Variants in PTPRO observed in about 807,000 individuals in gnomAD.
The protein encoded by PTPRO is protein tyrosine phosphatase receptor type O.
A neutral mutation model predicts 145.2 loss-of-function variants in PTPRO; 62 were observed. The ratio of observed to expected loss-of-function variants is 0.43; its 90% CI spans 0.35 to 0.53. The LOEUF (loss-of-function observed/expected upper bound fraction) is 0.53. Ranked by LOEUF, PTPRO falls within the 20% of genes least tolerant of loss-of-function variation. The pLI is 0.01. For synonymous variants in PTPRO, 565 were observed against 514.7 expected (o/e 1.10, Z -1.32); for missense variants, 1,345 against 1,482.7 (o/e 0.91, Z 1.53).
intron 10 of PTPRO, among the ~76,000 whole-genome samples, chr12:15,521,870 A>C (rs1565682234): frequency 6.6e-6 from 1 of 152,222 alleles, no homozygotes; most frequent in Non-Finnish European, 1.5e-5. Flanking sequence ...GATTGGGCAT[A>C]GTTTATAACA....
chr12:15,594,875 G>A, intron 25 of PTPRO, 62 bp from the exon 26 acceptor site: 1 of 1,157,496 alleles, frequency 8.6e-7, no homozygotes, highest in Non-Finnish European at 1.3e-6. Flanking sequence ...AATTGTCATA[G>A]TATAAAATAT....
intron 1 of PTPRO, among the ~76,000 whole-genome samples, chr12:15,359,104 A>T (rs1407283870): frequency 6.6e-6 from 1 of 152,226 alleles, no homozygotes; most frequent in African/African-American, 2.4e-5. Flanking sequence ...AGCAAGTTTG[A>T]TATAAGTGAC....
rs538438672 is a variant in PTPRO, at chr12:15,473,033, A to G, written c.76-10941A>G. 7.2e-5 allele frequency among the ~76,000 whole-genome samples: 11 copies of G among 152,300 alleles called. No homozygotes were observed. In the South Asian group the frequency reaches 2.1e-3, roughly 29 times the overall value. ...GCCATGATTCCCCTAGACTGCTTCAAGGTGCCTGCTCAGACCCAGTGACAG... is the reference window on the plus strand; with the variant it reads ...GCCATGATTCCCCTAGACTGCTTCAGGGTGCCTGCTCAGACCCAGTGACAG... On this transcript the variant is annotated intron_variant, in intron 1 of 26. Coordinates refer to ENST00000281171, the MANE Select transcript of PTPRO (RefSeq NM_030667.3).
intron 7 of PTPRO, among the ~76,000 whole-genome samples, chr12:15,511,838 A>G (rs1268962585): frequency 6.6e-6 from 1 of 152,212 alleles, no homozygotes; most frequent in African/African-American, 2.4e-5. Flanking sequence ...TGGTGGGATT[A>G]CAGGCGTGAG....
intron 1 of PTPRO, among the ~76,000 whole-genome samples, chr12:15,421,537 G>T (rs987770692): frequency 6.6e-6 from 1 of 152,156 alleles, no homozygotes; most frequent in Non-Finnish European, 1.5e-5. Flanking sequence ...ATCCTAGAGA[G>T]GTGTCTCAGA....
chr12:15,471,542 T>C (rs1028888993), intron 1 of PTPRO, among the ~76,000 whole-genome samples: 1 of 152,222 alleles, frequency 6.6e-6, no homozygotes, highest in African/African-American at 2.4e-5. Flanking sequence ...TGCCATATGA[T>C]CTTCAGGAAA....
At chr12:15,579,886 C>A (rs1944271932) in intron 20 of PTPRO, among the ~76,000 whole-genome samples, 153 bp from the exon 21 acceptor site, 1 of 152,046 alleles carries the variant, frequency 6.6e-6, no homozygotes, top group African/African-American at 2.4e-5. Context: ...AAACAACAAA[C>A]CAAAGTTGAA....
At chr12:15,541,262 T>G (rs1029475948) in intron 12 of PTPRO, among the ~76,000 whole-genome samples, 2 of 152,198 alleles carry the variant, frequency 1.3e-5, no homozygotes, top group African/African-American at 4.8e-5. Flanking sequence ...TTATATAAAG[T>G]GTTTGTGTAT....
intron 1 of PTPRO, among the ~76,000 whole-genome samples, chr12:15,480,004 C>A (rs1941744531): frequency 6.6e-6 from 1 of 152,164 alleles, no homozygotes; most frequent in African/African-American, 2.4e-5. Context: ...GTGTGGGCTG[C>A]ATTCTTTAGG....
rs1555168044 is a variant in PTPRO, at chr12:15,482,167, G to GTGTA, written c.76-1806_76-1805insGTAT. Among the ~76,000 whole-genome samples, 87 of 141,798 alleles carry GTGTA rather than the reference G, an allele frequency of 6.1e-4. No individual in the cohort carries two copies. In the South Asian group the frequency reaches 9.5e-3, roughly 15 times the overall value. The allele number at this position is 141,798 out of a possible 152,430, so 93.0% of individuals were successfully genotyped here. A position where few individuals can be genotyped will look rare whatever the true frequency, so the allele number is the denominator to read the frequency against. The stretch of plus-strand genomic sequence containing the variant: ...ATGGTGTGTGTGTGTGTGTGTGTGT[G>GTGTA]TATATATATATATGTGTGTGTGTGG... On this transcript the variant is annotated intron_variant, in intron 1 of 26. Coordinates refer to ENST00000281171, the MANE Select transcript of PTPRO (RefSeq NM_030667.3).
chr12:15,543,406 C>A (rs867959712), intron 12 of PTPRO, among the ~76,000 whole-genome samples: 3 of 152,180 alleles, frequency 2.0e-5, no homozygotes, highest in Non-Finnish European at 2.9e-5. Context: ...ATTCCTTGGA[C>A]CACTGGGAGC....
chr12:15,334,684 A>G (rs552129655), intron 1 of PTPRO, among the ~76,000 whole-genome samples: 2 of 152,268 alleles, frequency 1.3e-5, no homozygotes, highest in East Asian at 1.9e-4. Context: ...GCAAATCAAT[A>G]TATCATCCAA....
At chr12:15,542,794 TTC>T (rs1341888214) in intron 12 of PTPRO, among the ~76,000 whole-genome samples, 1 of 152,242 alleles carries the variant, frequency 6.6e-6, no homozygotes, top group Non-Finnish European at 1.5e-5. Flanking sequence ...GTCTTTGACA[TTC>T]TGTCTGTATT....
chr12:15,534,088 C>T (rs1172305388), intron 12 of PTPRO, among the ~76,000 whole-genome samples: 1 of 152,022 alleles, frequency 6.6e-6, no homozygotes, highest in Non-Finnish European at 1.5e-5. Context: ...GGTGCTTTTC[C>T]CAGGATGTTG....
intron 6 of PTPRO, among the ~76,000 whole-genome samples, chr12:15,506,370 AG>A (rs1165788857): frequency 1.3e-5 from 2 of 152,224 alleles, no homozygotes; most frequent in Non-Finnish European, 2.9e-5. Context: ...CTATGACTTC[AG>A]GCAGCTTGTT....
At chr12:15,361,699 T>C (rs927965860) in intron 1 of PTPRO, among the ~76,000 whole-genome samples, 10 of 152,130 alleles carry the variant, frequency 6.6e-5, no homozygotes, top group African/African-American at 2.4e-4. Context: ...AATTTTAAAA[T>C]TGAGTTAGTT....
intron 1 of PTPRO, among the ~76,000 whole-genome samples, chr12:15,412,914 C>T (rs1465266944): frequency 6.6e-6 from 1 of 152,174 alleles, no homozygotes; most frequent in Non-Finnish European, 1.5e-5. Flanking sequence ...CTGCCTCAGC[C>T]TCCCAAGTAG....
Position 15,585,869 on chromosome 12 carries a change from G to T in PTPRO, c.3256-1028G>T, listed in dbSNP as rs558083372. 5.9e-5 allele frequency among the ~76,000 whole-genome samples: 9 copies of T among 152,278 alleles called. No individual in the cohort carries two copies. The South Asian group carries it at 1.2e-3, about 21-fold the overall frequency. ...GGACTAAAAAGAGTTGATCTGGAAA[G>T]ATATACATTCTAGTTAATATGTACT... On this transcript the variant is annotated intron_variant, in intron 23 of 26. Coordinates refer to ENST00000281171, the MANE Select transcript of PTPRO (RefSeq NM_030667.3).
chr12:15,403,700 A>G (rs747218112), intron 1 of PTPRO, among the ~76,000 whole-genome samples: 6 of 152,142 alleles, frequency 3.9e-5, no homozygotes, highest in Non-Finnish European at 7.4e-5. Context: ...CTGCCCTACA[A>G]TCACTTCTTA....
Sources: allele counts gnomAD v4.1 joint callset (sites outside exome capture counted in the v4.1 genomes callset), GRCh38; gene constraint gnomAD v4.1.1; transcripts MANE v1.5; gene names NCBI Gene and HGNC (gene_info 2026-07-23, HGNC 2026-07-21).